IFT43: variants seen among roughly 807,000 people sequenced by gnomAD.
IFT43 encodes intraflagellar transport protein 43 homolog.
IFT43 carries 33 observed loss-of-function variants against 32.3 expected under a neutral mutation model. The ratio of observed to expected loss-of-function variants is 1.02; its 90% CI spans 0.77 to 1.37. The LOEUF is 1.37. Ranked by LOEUF, IFT43 falls within the 40% of genes most tolerant of loss-of-function variation. The probability of loss-of-function intolerance (pLI) is 0.00; values close to 1 mark genes in which losing one functional copy is unlikely to be tolerated. For missense variants in IFT43, 274 were observed against 265.9 expected (o/e 1.03, Z -0.21); for synonymous variants, 93 against 98.2 (o/e 0.95, Z 0.31).
intron 3 of IFT43, among the ~76,000 whole-genome samples, chr14:76,037,364 C>T (rs1205441022): frequency 1.3e-5 from 2 of 152,142 alleles, no homozygotes; most frequent in Non-Finnish European, 2.9e-5. Context: ...CACTTTATAG[C>T]GCCCATCAGA....
intron 3 of IFT43, among the ~76,000 whole-genome samples, chr14:76,028,418 T>A (rs933605342): frequency 3.3e-5 from 5 of 152,200 alleles, no homozygotes; most frequent in African/African-American, 1.2e-4. Flanking sequence ...CTCCTTTTTC[T>A]TTTTCTATTG....
downstream of IFT43, chr14:76,083,928 A>T (rs1301069669): frequency 2.1e-6 from 1 of 474,814 alleles, no homozygotes. Context: ...GGAGGTTTCA[A>T]ACAGTTGCCT....
chr14:76,072,530 C>G (rs1417863765), intron 5 of IFT43, among the ~76,000 whole-genome samples: 3 of 152,158 alleles, frequency 2.0e-5, no homozygotes, highest in Admixed American at 2.0e-4. Flanking sequence ...GTTATGTGAG[C>G]AGCTTGCTTG....
intron 3 of IFT43, among the ~76,000 whole-genome samples, chr14:76,042,766 G>T (rs141102131): frequency 6.6e-6 from 1 of 152,318 alleles, no homozygotes; most frequent in East Asian, 1.9e-4. Context: ...CCATTCCCAG[G>T]CAGCCCGCTC....
In IFT43 at chr14:76,058,688, A is replaced by G. The variant is rs772060306; in HGVS notation, c.248+14A>G. On this transcript the variant is annotated intron_variant, in intron 4 of 8. Transcript: ENST00000314067. ...AGAAATAGAAGAGTACGTTTCCAGT[A>G]TTCTTATTCTTATGGTATCCTATGT... The G allele has an allele frequency of 6.2e-7, 1 of 1,610,476 alleles. No homozygotes were observed. Among genetic ancestry groups the G allele is most frequent in the South Asian group, 1.1e-5 (1 of 91,018 alleles).
At chr14:76,009,778 A>G (rs2036045629) in intron 2 of IFT43, among the ~76,000 whole-genome samples, 1 of 152,026 alleles carries the variant, frequency 6.6e-6, no homozygotes, top group Non-Finnish European at 1.5e-5. Context: ...CAGAAGCCAG[A>G]TTAGTTGGTG....
In IFT43 at chr14:76,076,538, TGCTTGGGGTATACTCATTGCAA is replaced by T; in HGVS notation, c.296-5753_296-5732del. 3.7e-6 allele frequency: 6 copies of T among 1,608,322 alleles called. No individual in the cohort carries two copies. In the South Asian group the frequency reaches 5.6e-5, roughly 15 times the overall value. ...ATACTCCAGGTGAAGAGCTGGGTAG[TGCTTGGGGTATACTCATTGCAA>T]GCTGAGTCCAATCTAAGAAGTCACT... On this transcript the variant is annotated intron_variant, in intron 5 of 8. Transcript: ENST00000314067.
At chr14:76,008,714 C>G (rs1210026151) in intron 2 of IFT43, among the ~76,000 whole-genome samples, 2 of 152,212 alleles carry the variant, frequency 1.3e-5, no homozygotes, top group African/African-American at 2.4e-5. Flanking sequence ...CAAAGCTACT[C>G]CACTGTTGAT....
intron 3 of IFT43, among the ~76,000 whole-genome samples, chr14:76,032,190 A>G (rs568513423): frequency 1.3e-5 from 2 of 152,230 alleles, no homozygotes; most frequent in Non-Finnish European, 2.9e-5. Context: ...CACCCTATTC[A>G]GTCTGCCAGC....
intron 2 of IFT43, among the ~76,000 whole-genome samples, chr14:76,010,498 G>A (rs12883347): frequency 0.079 from 11,940 of 151,976 alleles, 641 homozygotes; most frequent in African/African-American, 0.14. Flanking sequence ...AATTAGTACA[G>A]TGAACAACAT....
At chr14:76,072,211 A>G (rs570780787) in intron 5 of IFT43, among the ~76,000 whole-genome samples, 1 of 152,298 alleles carries the variant, frequency 6.6e-6, no homozygotes, top group African/African-American at 2.4e-5. Context: ...TGAGTTCAAG[A>G]GTGCCCGTGC....
intron 3 of IFT43, among the ~76,000 whole-genome samples, chr14:76,026,748 A>G (rs1481875667): frequency 6.6e-6 from 1 of 152,176 alleles, no homozygotes; most frequent in Non-Finnish European, 1.5e-5. Context: ...TACCCAAAAT[A>G]ATATATCATT....
chr14:76,005,386 G>A (rs533665018), intron 2 of IFT43, among the ~76,000 whole-genome samples: 121 of 152,244 alleles, frequency 7.9e-4, no homozygotes, highest in African/African-American at 2.8e-3. Context: ...CGGGGATTTC[G>A]GTGAAAGACC....
At chr14:76,004,816 G>T (rs1399001635) in intron 2 of IFT43, among the ~76,000 whole-genome samples, 1 of 151,876 alleles carries the variant, frequency 6.6e-6, no homozygotes, top group African/African-American at 2.4e-5. Context: ...TTTTACTGTT[G>T]TGTTCAAACT....
intron 2 of IFT43, among the ~76,000 whole-genome samples, chr14:76,014,860 A>G (rs996547243): frequency 2.6e-4 from 40 of 152,084 alleles, no homozygotes; most frequent in African/African-American, 9.7e-4. Context: ...TGGACCCTGG[A>G]TGCAGCCTCT....
chr14:76,076,413 G>A (rs2037413056), intron 5 of IFT43, among the ~76,000 whole-genome samples: 2 of 152,342 alleles, frequency 1.3e-5, no homozygotes, highest in African/African-American at 4.8e-5. Context: ...AAGGGTTACA[G>A]AGAGGAAAAA....
At position 75,988,924 on chromosome 14, in the gene IFT43, C is replaced by G. The variant is rs770573692; in HGVS notation, c.94C>G (p.Gln32Glu). 3 of 1,613,858 alleles carry G rather than the reference C, an allele frequency of 1.9e-6. No homozygotes were observed. Among genetic ancestry groups the G allele is most frequent in the Non-Finnish European group, 1.7e-6 (2 of 1,180,008 alleles). The change falls in exon 2 of 9, where the codon CAG (glutamine) becomes GAG (glutamate). Residue 32 changes from glutamine (Q) to glutamate (E), a missense_variant. By Grantham distance (29) the Gln-to-Glu change is conservative. Transcript: ENST00000314067. Reference sequence around the variant, plus strand: ...TCGCCGAGCTCAACAGGAGTCAGCGCAGGCCGAGAATCACCTCAATGGCAA... The same window carrying G: ...TCGCCGAGCTCAACAGGAGTCAGCGGAGGCCGAGAATCACCTCAATGGCAA... ...MGRRAQQESA[Q>E]AENHLNGKNS...
intron 3 of IFT43, chr14:76,037,991 G>A (rs546875676): frequency 6.6e-6 from 1 of 152,276 alleles, no homozygotes; most frequent in African/African-American, 2.4e-5. Flanking sequence ...ATTTTCATTG[G>A]TAAACACAAT....
chr14:76,046,066 C>A (rs1175602101), intron 3 of IFT43, among the ~76,000 whole-genome samples: 1 of 152,098 alleles, frequency 6.6e-6, no homozygotes, highest in African/African-American at 2.4e-5. Flanking sequence ...TCACCTAATT[C>A]TAGAAGCTTC....
Sources: gnomAD v4.1 joint callset for allele counts (sites outside exome capture counted in the v4.1 genomes callset) on GRCh38, gnomAD v4.1.1 for gene constraint, MANE v1.5 for transcripts, NCBI Gene and HGNC (gene_info 2026-07-23, HGNC 2026-07-21) for gene names.